The following RANBP2 variants were observed in gnomAD, a reference collection of about 807,000 sequenced individuals.
RANBP2 encodes RAN binding protein 2.
RANBP2 carries 57 observed loss-of-function variants against 303.6 expected under a neutral mutation model. That is an observed-to-expected ratio of 0.19 (90% confidence interval 0.15 to 0.23). The LOEUF (loss-of-function observed/expected upper bound fraction) is 0.23. Ranked by LOEUF, RANBP2 falls within the 10% of genes least tolerant of loss-of-function variation. RANBP2 has a pLI of 1.00. For missense variants in RANBP2, 3,138 were observed against 3,780.8 expected, an observed-to-expected ratio of 0.83 and a Z score of 4.46; for synonymous variants, 1,167 against 1,301.5, an observed-to-expected ratio of 0.90 and a Z score of 2.23.
chr2:109,461,042 C>T, the RANBP2 span, among the ~76,000 whole-genome samples: 1 of 152,224 alleles, frequency 6.6e-6, no homozygotes, highest in Non-Finnish European at 1.5e-5. Flanking sequence ...GCCACAGGTG[C>T]AGGCTGGGAG....
the RANBP2 span, chr2:108,910,764 T>G: frequency 1.2e-6 from 2 of 1,612,532 alleles, no homozygotes; most frequent in Admixed American, 1.7e-5. Flanking sequence ...GTGGAAGCCC[T>G]GGTTCACAGA....
the RANBP2 span, among the ~76,000 whole-genome samples, chr2:109,041,626 A>G: frequency 6.7e-6 from 1 of 148,382 alleles, no homozygotes; most frequent in Non-Finnish European, 1.5e-5. Context: ...GTTTCAAGCA[A>G]TTCTCCTGCC....
the RANBP2 span, among the ~76,000 whole-genome samples, chr2:108,803,704 A>G: frequency 6.6e-6 from 1 of 152,184 alleles, no homozygotes. Context: ...TTTACCCTTG[A>G]GGGTTGCTTC....
the RANBP2 span, among the ~76,000 whole-genome samples, chr2:108,964,280 C>T: frequency 6.6e-6 from 1 of 152,094 alleles, no homozygotes; most frequent in African/African-American, 2.4e-5. Context: ...TTTCTGAGGT[C>T]CACCGGTGAC....
chr2:108,894,003 T>TTGAC, the RANBP2 span, among the ~76,000 whole-genome samples: 3 of 152,202 alleles, frequency 2.0e-5, no homozygotes, highest in African/African-American at 7.2e-5. Flanking sequence ...TCTATCTAGG[T>TTGAC]TGACAGAGAT....
chr2:109,133,908 C>T, the RANBP2 span, among the ~76,000 whole-genome samples: 1 of 152,114 alleles, frequency 6.6e-6, no homozygotes, highest in African/African-American at 2.4e-5. Flanking sequence ...GCTGTAGTCT[C>T]TGGTGGGTGT....
chr2:108,751,209 A>G lies in RANBP2; in HGVS notation c.1274-55A>G, dbSNP rs1675852736. 8.7e-6 allele frequency: 14 copies of G among 1,611,920 alleles called. No individual in the cohort carries two copies. The East Asian group carries it at 3.1e-4, about 36-fold the overall frequency. ...GTGAATTGTTTATGTTGGCAAAACT[A>G]ATGGCACAAGGAAAAATTTCAAACC... On this transcript the variant is annotated intron_variant, in intron 9 of 28. Transcript: ENST00000283195.
the RANBP2 span, among the ~76,000 whole-genome samples, chr2:109,489,624 C>T: frequency 6.6e-6 from 1 of 152,192 alleles, no homozygotes; most frequent in Admixed American, 6.5e-5. Flanking sequence ...TCAGCAGCAT[C>T]CTTCTCTGAG....
At chr2:109,487,988 G>T in the RANBP2 span, among the ~76,000 whole-genome samples, 1 of 152,242 alleles carries the variant, frequency 6.6e-6, no homozygotes, top group Non-Finnish European at 1.5e-5. Context: ...CCCCTTCATG[G>T]TGAAGAGGAA....
the RANBP2 span, among the ~76,000 whole-genome samples, chr2:109,352,533 G>A: frequency 8.3e-3 from 1,266 of 152,310 alleles, 13 homozygotes; most frequent in Non-Finnish European, 0.013. Flanking sequence ...GACTTTGGGG[G>A]CCGAGACGAT....
chr2:108,817,131 C>T, the RANBP2 span, among the ~76,000 whole-genome samples: 26 of 152,102 alleles, frequency 1.7e-4, no homozygotes, highest in Admixed American at 1.1e-3. Context: ...ATCAGCTGAC[C>T]TTAAAATAGG....
chr2:109,436,933 G>A, the RANBP2 span: 21 of 1,613,586 alleles, frequency 1.3e-5, no homozygotes, highest in Admixed American at 3.2e-4. Flanking sequence ...GAATAATGTA[G>A]TCGGAGGGTC....
the RANBP2 span, among the ~76,000 whole-genome samples, chr2:108,909,396 A>G: frequency 6.6e-6 from 1 of 151,722 alleles, no homozygotes. Context: ...TCTGGCACAC[A>G]GGATCTCCAC....
At chr2:109,606,771 G>A in the RANBP2 span, among the ~76,000 whole-genome samples, 6 of 135,370 alleles carry the variant, frequency 4.4e-5, no homozygotes, top group Non-Finnish European at 7.6e-5. Flanking sequence ...CCTCCGTCTC[G>A]CAGGTTCAAG....
At position 108,764,392 on chromosome 2, in the gene RANBP2, T is replaced by C. The variant is rs759118214; in HGVS notation, c.3853T>C (p.Phe1285Leu). ...LPKPEQLAIR[F>L]KTPEEAALFK... ...AAAACCAGAACAACTTGCTATTAGG[T>C]TCAAAACTCCTGAGGAAGCAGCACT... Residue 1285 changes from phenylalanine (F) to leucine (L), a missense_variant, in exon 20 of 29, where the codon TTC becomes CTC. Transcript: ENST00000283195. 2 of 1,613,958 alleles carry C rather than the reference T, an allele frequency of 1.2e-6. No homozygotes were observed. The highest frequency in any genetic ancestry group is 1.7e-6 in the Non-Finnish European group (2 of 1,179,962).
chr2:108,786,293 CTA>C, downstream of RANBP2, among the ~76,000 whole-genome samples: 1 of 140,542 alleles, frequency 7.1e-6, no homozygotes, highest in South Asian at 2.3e-4. Flanking sequence ...GGGAGTCTTG[CTA>C]TGTTACCCAA....
downstream of RANBP2, chr2:108,785,859 GATA>G (rs1488189982): frequency 6.6e-6 from 1 of 152,142 alleles, no homozygotes; most frequent in Non-Finnish European, 1.5e-5. Context: ...GTAATTTTCA[GATA>G]ATAACTGCTG....
chr2:108,755,490 A>T (rs1035781031), intron 17 of RANBP2, among the ~76,000 whole-genome samples: 1 of 152,070 alleles, frequency 6.6e-6, no homozygotes, highest in East Asian at 1.9e-4. Context: ...TCCTAGCTCA[A>T]GAGAGGCTCT....
the RANBP2 span, among the ~76,000 whole-genome samples, chr2:109,452,261 T>A: frequency 1.3e-5 from 2 of 152,152 alleles, no homozygotes; most frequent in Admixed American, 6.5e-5. Flanking sequence ...GCCAGCACAC[T>A]CCCTGCAGGC....
Sources: allele counts gnomAD v4.1 joint callset (sites outside exome capture counted in the v4.1 genomes callset), GRCh38; gene constraint gnomAD v4.1.1; transcripts MANE v1.5; gene names NCBI Gene and HGNC (gene_info 2026-07-23, HGNC 2026-07-21).